Variants in PARP4 observed in about 807,000 individuals in gnomAD.
The protein encoded by PARP4 is poly(ADP-ribose) polymerase family member 4, also known as protein mono-ADP-ribosyltransferase PARP4.
PARP4 carries 120 observed loss-of-function variants against 187.7 expected under a neutral mutation model. The ratio of observed to expected loss-of-function variants is 0.64; its 90% confidence interval spans 0.55 to 0.74. The LOEUF (loss-of-function observed/expected upper bound fraction) is 0.74, where lower values mean the gene tolerates loss of function less well. Among genes scored for constraint, PARP4 ranks in the 30% least tolerant of loss-of-function variants. PARP4 has a pLI of 0.00. For synonymous variants in PARP4, 654 were observed against 740.9 expected, an observed-to-expected ratio of 0.88 and a Z score of 1.90; for missense variants, 1,836 against 2,070.5, an observed-to-expected ratio of 0.89 and a Z score of 2.20.
intron 33 of PARP4, among the ~76,000 whole-genome samples, chr13:24,425,661 G>A (rs779425815): frequency 6.6e-6 from 1 of 151,512 alleles, no homozygotes; most frequent in African/African-American, 2.4e-5. Flanking sequence ...TGGGGTGGGG[G>A]GTCTGTAGGG....
intron 1 of PARP4, among the ~76,000 whole-genome samples, chr13:24,511,160 A>G (rs1226083626): frequency 6.6e-6 from 1 of 152,154 alleles, no homozygotes; most frequent in Non-Finnish European, 1.5e-5. Flanking sequence ...AGGTATGGAA[A>G]GGCGCACTTT....
intron 25 of PARP4, among the ~76,000 whole-genome samples, chr13:24,448,034 G>C (rs1175568415): frequency 1.3e-5 from 2 of 152,104 alleles, no homozygotes; most frequent in Non-Finnish European, 1.5e-5. Flanking sequence ...GCGAAACACT[G>C]TCTCTACAGA....
Position 24,503,693 on chromosome 13 carries a change from A to C in PARP4, c.84T>G (p.Thr28=), listed in dbSNP as rs1398552546. ...LPQQQKKKLQ[T]DIKENGGKFS... ...ACTTTCCGCCATTTTCCTTAATGTCAGTTTGTAGCTTTTTCTTCTGCTGCT... is the reference window on the plus strand; with the variant it reads ...ACTTTCCGCCATTTTCCTTAATGTCCGTTTGTAGCTTTTTCTTCTGCTGCT... Residue 28 remains threonine (T), a synonymous_variant, in exon 2 of 34, where the codon ACT becomes ACG. Coordinates refer to ENST00000381989, the MANE Select transcript of PARP4 (RefSeq NM_006437.4). 6.2e-7 allele frequency: 1 copy of C among 1,613,918 alleles called. No individual in the cohort carries two copies. The highest frequency in any genetic ancestry group is 1.7e-5 in the Admixed American group (1 of 60,024).
intron 6 of PARP4, among the ~76,000 whole-genome samples, chr13:24,495,382 G>A (rs1407097675): frequency 6.6e-6 from 1 of 152,154 alleles, no homozygotes; most frequent in Non-Finnish European, 1.5e-5. Context: ...AAAAAATCTG[G>A]AGGGGAAGGG....
Position 24,442,837 on chromosome 13 carries a change from T to A in PARP4, c.3448-152A>T, listed in dbSNP as rs1871015374. 7.2e-6 allele frequency: 4 copies of A among 554,110 alleles called. No individual in the cohort carries two copies. The Admixed American group carries it at 1.2e-4, about 17-fold the overall frequency. The allele number at this position is 554,110 out of a possible 1,614,324, so 34.3% of individuals were successfully genotyped here. On this transcript the variant is annotated intron_variant, in intron 28 of 33. Transcript: ENST00000381989. Reference sequence around the variant, plus strand: ...ATATTCCCTTTAAAATGAGATGAACTGACTTAGTCATAGAAAGTGTCGCTC... The same window carrying A: ...ATATTCCCTTTAAAATGAGATGAACAGACTTAGTCATAGAAAGTGTCGCTC...
In PARP4 at chr13:24,435,309, G is replaced by A. The variant is rs201856930; in HGVS notation, c.3832C>T (p.Arg1278Cys). 3.4e-5 allele frequency: 55 copies of A among 1,612,616 alleles called. No individual in the cohort carries two copies. The highest frequency in any genetic ancestry group is 4.0e-4 in the Middle Eastern group (2 of 4,982). Residue 1278 changes from arginine to cysteine, a missense_variant, in exon 31 of 34, where the codon CGT (arginine) becomes TGT (cysteine). Transcript: ENST00000381989. The part of the protein sequence containing the change: ...VLPAFTSNLE[R>C]GGVEKLLDLS... The stretch of plus-strand genomic sequence containing the variant: ...TCCAATAGCTTTTCCACACCTCCAC[G>A]TTCCAAATTTGATGTGAAAGCTGGT...
chr13:24,508,189 A>G (rs1372567353), intron 1 of PARP4, among the ~76,000 whole-genome samples: 2 of 152,032 alleles, frequency 1.3e-5, no homozygotes, highest in Non-Finnish European at 2.9e-5. Flanking sequence ...ACACACAAAA[A>G]AAAACACTAA....
intron 11 of PARP4, among the ~76,000 whole-genome samples, chr13:24,485,881 G>T (rs545685847): frequency 2.6e-5 from 4 of 152,116 alleles, no homozygotes; most frequent in Admixed American, 1.3e-4. Context: ...ATAAGGTCTT[G>T]CTAGGTTTTC....
At chr13:24,499,261 GTTT>G (rs71865467) in intron 5 of PARP4, 37 bp downstream of exon 5, 2,034 of 1,325,318 alleles carry the variant, frequency 1.5e-3, no homozygotes, top group South Asian at 3.0e-3. Context: ...AAACAGGTGT[GTTT>G]TTTTTTTTTT....
intron 20 of PARP4, 58 bp downstream of exon 20, chr13:24,458,986 T>G: frequency 8.2e-7 from 1 of 1,224,838 alleles, no homozygotes; most frequent in Non-Finnish European, 1.2e-6. Context: ...TACATTGCTT[T>G]GATAAGATAA....
chr13:24,427,125 T>G (rs1039085435), intron 32 of PARP4, among the ~76,000 whole-genome samples: 1 of 151,960 alleles, frequency 6.6e-6, no homozygotes, highest in African/African-American at 2.4e-5. Context: ...AGCCATGAAG[T>G]TCACTAAAAG....
intron 14 of PARP4, 59 bp downstream of exon 14, chr13:24,477,642 T>C: frequency 1.1e-6 from 1 of 907,426 alleles, no homozygotes; most frequent in East Asian, 2.5e-5. Flanking sequence ...ATTGAAAATA[T>C]AACATTTGAG....
intron 6 of PARP4, among the ~76,000 whole-genome samples, chr13:24,495,235 G>A (rs1868882610): frequency 6.6e-6 from 1 of 152,172 alleles, no homozygotes; most frequent in Non-Finnish European, 1.5e-5. Flanking sequence ...AAAAGCTTGA[G>A]AATGCACAGC....
intron 12 of PARP4, among the ~76,000 whole-genome samples, chr13:24,482,588 A>C (rs780229552): frequency 6.6e-6 from 1 of 152,252 alleles, no homozygotes; most frequent in African/African-American, 2.4e-5. Context: ...ACAATGGCTC[A>C]CTGAAGGCTT....
At chr13:24,433,718 G>A (rs1179491214) in intron 31 of PARP4, among the ~76,000 whole-genome samples, 1 of 150,114 alleles carries the variant, frequency 6.7e-6, no homozygotes, top group Non-Finnish European at 1.5e-5. Context: ...TATGGATGAG[G>A]AAGCTGAGGC....
rs1216300092 is a variant in PARP4, at chr13:24,437,849, C to CAAAAAAAAAAA, written c.3667-2386_3667-2376dup. ...TGGGTGACAGAGTGAGACTCCATCT[C>CAAAAAAAAAAA]AAAAAAAAAAAAGAATCATACTGAG... is the stretch of plus-strand genomic sequence containing the variant. On this transcript the variant is annotated intron_variant, in intron 30 of 33. Coordinates refer to ENST00000381989, the MANE Select transcript of PARP4 (RefSeq NM_006437.4). Among the ~76,000 whole-genome samples, 522 of 118,102 alleles carry CAAAAAAAAAAA rather than the reference C, an allele frequency of 4.4e-3. 23 individuals are homozygous for CAAAAAAAAAAA. The highest frequency in any genetic ancestry group is 8.5e-3 in the East Asian group (34 of 4,006). 77.5% of individuals were successfully genotyped at this position (118,102 alleles called of 152,430 possible). A position where few individuals can be genotyped will look rare whatever the true frequency, so the allele number is the denominator to read the frequency against.
chr13:24,495,160 C>CA (rs1312600976), intron 6 of PARP4, among the ~76,000 whole-genome samples: 1 of 152,196 alleles, frequency 6.6e-6, no homozygotes, highest in Non-Finnish European at 1.5e-5. Flanking sequence ...CGTAAGCCAC[C>CA]ATGCCTGGCC....
intron 33 of PARP4, among the ~76,000 whole-genome samples, chr13:24,422,885 CT>C (rs1869821969): frequency 6.6e-6 from 1 of 152,098 alleles, no homozygotes; most frequent in Non-Finnish European, 1.5e-5. Flanking sequence ...GGAATTACAG[CT>C]GTGAGTCACC....
chr13:24,505,882 G>GGC (rs1184222096), intron 1 of PARP4, among the ~76,000 whole-genome samples: 2 of 152,356 alleles, frequency 1.3e-5, no homozygotes, highest in East Asian at 3.9e-4. Context: ...AGCTTGGGCA[G>GGC]GCAGGTCAGG....
Sources: allele counts gnomAD v4.1 joint callset (sites outside exome capture counted in the v4.1 genomes callset), GRCh38; gene constraint gnomAD v4.1.1; transcripts MANE v1.5; gene names NCBI Gene and HGNC (gene_info 2026-07-23, HGNC 2026-07-21).